LUC7L2: variants seen among roughly 807,000 people sequenced by gnomAD.
LUC7L2 encodes the protein putative RNA-binding protein Luc7-like 2.
Under a neutral mutation model 52.8 loss-of-function variants are expected in LUC7L2, and 25 were observed. The ratio of observed to expected loss-of-function variants is 0.47; its 90% CI spans 0.34 to 0.66. The LOEUF is 0.66. LUC7L2 is among the 30% of genes least tolerant of loss of function. The pLI is 0.01. For missense variants in LUC7L2, 328 were observed against 497.8 expected, an observed-to-expected ratio of 0.66 and a Z score of 3.25; for synonymous variants, 144 against 160.9, an observed-to-expected ratio of 0.89 and a Z score of 0.80.
At chr7:139,358,099 C>A (rs532612027), upstream of LUC7L2, among the ~76,000 whole-genome samples, 205 of 151,040 alleles carry the variant, frequency 1.4e-3, no homozygotes, top group African/African-American at 4.8e-3. Context: ...CCTCCACTTC[C>A]CGGGTTCAAG....
At chr7:139,368,737 C>CAAAAAAAAA (rs779546165) in intron 1 of LUC7L2, among the ~76,000 whole-genome samples, 16 of 110,652 alleles carry the variant, frequency 1.4e-4, no homozygotes, top group African/African-American at 5.5e-4. Flanking sequence ...GACACCGTCT[C>CAAAAAAAAA]AAAAAAAAAA....
intron 2 of LUC7L2, among the ~76,000 whole-genome samples, chr7:139,381,908 C>G: frequency 1.1e-5 from 1 of 93,682 alleles, no homozygotes; most frequent in Non-Finnish European, 2.0e-5. Context: ...TTTTTTGAGT[C>G]AGATTCTTGC....
At chr7:139,386,404 A>ATTTTT (rs4028268) in intron 2 of LUC7L2, among the ~76,000 whole-genome samples, 2,670 of 131,466 alleles carry the variant, frequency 0.02, 199 homozygotes, top group African/African-American at 0.064. Flanking sequence ...GTCACTGGAA[A>ATTTTT]TTTTTTTTTT....
chr7:139,415,033 C>T (rs368671745), intron 8 of LUC7L2, among the ~76,000 whole-genome samples: 10 of 148,170 alleles, frequency 6.7e-5, no homozygotes, highest in East Asian at 4.0e-4. Flanking sequence ...ATTATAGGCA[C>T]GTGCCACCAT....
chr7:139,394,002 G>A (rs918418746), intron 2 of LUC7L2, among the ~76,000 whole-genome samples: 1 of 152,132 alleles, frequency 6.6e-6, no homozygotes, highest in African/African-American at 2.4e-5. Flanking sequence ...AGTCAGGCTA[G>A]GCTATAAACT....
At chr7:139,382,098 G>A (rs1376344413) in intron 2 of LUC7L2, among the ~76,000 whole-genome samples, 1 of 151,730 alleles carries the variant, frequency 6.6e-6, no homozygotes, top group African/African-American at 2.4e-5. Context: ...CACCATGTTG[G>A]CCAGGGTGGT....
In LUC7L2 at chr7:139,402,129, C is replaced by T. The variant is rs1284014541; in HGVS notation, c.256-8C>T. On this transcript the variant is annotated splice_region_variant and splice_polypyrimidine_tract_variant and intron_variant, in intron 3 of 9. Coordinates refer to ENST00000354926, the MANE Select transcript of LUC7L2 (RefSeq NM_016019.5). ...CTGACAGTAATTGTCTTTAATTAAA[C>T]TTTGTAGGCCATGGATCATCTGCAG... 1.9e-6 allele frequency: 3 copies of T among 1,572,910 alleles called. No individual in the cohort carries two copies. Among genetic ancestry groups the T allele is most frequent in the Non-Finnish European group, 2.6e-6 (3 of 1,166,948 alleles).
At chr7:139,347,456 G>A (rs1218655294) in intron 1 of LUC7L2, among the ~76,000 whole-genome samples, 2 of 152,062 alleles carry the variant, frequency 1.3e-5, no homozygotes, top group Non-Finnish European at 2.9e-5. Context: ...GCATGGTGGC[G>A]CATGCCTGTA....
At chr7:139,356,217 G>A (rs1799599143), upstream of LUC7L2, among the ~76,000 whole-genome samples, 1 of 151,236 alleles carries the variant, frequency 6.6e-6, no homozygotes, top group African/African-American at 2.4e-5. Flanking sequence ...GGCTGAGGTG[G>A]GAGGATCACT....
intron 1 of LUC7L2, chr7:139,374,649 T>A: frequency 7.0e-7 from 1 of 1,435,122 alleles, no homozygotes; most frequent in Non-Finnish European, 9.1e-7. Context: ...AGAAAACCTA[T>A]TGTTGAACTG....
At chr7:139,356,422 C>A (rs1177011665), upstream of LUC7L2, among the ~76,000 whole-genome samples, 1 of 135,814 alleles carries the variant, frequency 7.4e-6, no homozygotes, top group Non-Finnish European at 1.6e-5. Flanking sequence ...TTTAGATAAA[C>A]AAAATGGGAG....
At chr7:139,374,436 A>C (rs1439352956) in intron 1 of LUC7L2, 4 of 1,550,864 alleles carry the variant, frequency 2.6e-6, no homozygotes, top group African/African-American at 1.4e-5. Context: ...CTCAATCTGC[A>C]AGGGAGTGTC....
rs1226859941 is a variant in LUC7L2, at chr7:139,371,732, C to T, written c.62-4330C>T. ...GGAATGACAGTGGGCTTATTTTTTC[C>T]CTCCTGATATATGGAAGGGGATTTT... On this transcript the variant is annotated intron_variant, in intron 1 of 9. Transcript: ENST00000354926. Among the ~76,000 whole-genome samples, 5 of 152,150 alleles carry T rather than the reference C, an allele frequency of 3.3e-5. No individual in the cohort carries two copies. In the East Asian group the frequency reaches 9.7e-4, roughly 29 times the overall value.
chr7:139,410,302 T>A (rs1344878626), intron 7 of LUC7L2, among the ~76,000 whole-genome samples: 4 of 152,190 alleles, frequency 2.6e-5, no homozygotes, highest in Non-Finnish European at 4.4e-5. Flanking sequence ...ATTATTATTT[T>A]TTTTTTATGA....
chr7:139,356,690 C>G (rs185980419), upstream of LUC7L2, among the ~76,000 whole-genome samples: 197 of 151,814 alleles, frequency 1.3e-3, no homozygotes, highest in Admixed American at 4.3e-3. Context: ...TCACAAACCA[C>G]CCAACTCTAT....
rs376700448 is a variant in LUC7L2, at chr7:139,402,255, T to C, written c.366+8T>C. On this transcript the variant is annotated splice_region_variant and intron_variant, in intron 4 of 9. Transcript: ENST00000354926. ...GCTGAAGTAGCAGCAAAGGTAAGAATTTTAATCATTTCATTAGTACAAAGT... is the reference window on the plus strand; with the variant it reads ...GCTGAAGTAGCAGCAAAGGTAAGAACTTTAATCATTTCATTAGTACAAAGT... The C allele has an allele frequency of 1.3e-6, 2 of 1,583,648 alleles. No homozygotes were observed. The highest frequency in any genetic ancestry group is 2.7e-5 in the African/African-American group (2 of 72,948).
intron 1 of LUC7L2, among the ~76,000 whole-genome samples, chr7:139,354,447 C>T (rs6964121): frequency 0.39 from 58,748 of 152,032 alleles, 15,789 homozygotes; most frequent in African/African-American, 0.77. Context: ...TTGCAACCTC[C>T]GCCTTCCGGG....
chr7:139,421,592 GTTAT>G (rs1795906867), intron 9 of LUC7L2, among the ~76,000 whole-genome samples: 1 of 152,162 alleles, frequency 6.6e-6, no homozygotes, highest in South Asian at 2.1e-4. Flanking sequence ...TTTAGAAGTG[GTTAT>G]TTAAATTCAT....
At chr7:139,344,696 T>C (rs1799177093) in intron 1 of LUC7L2, among the ~76,000 whole-genome samples, 1 of 85,992 alleles carries the variant, frequency 1.2e-5, no homozygotes, top group Non-Finnish European at 2.5e-5. Flanking sequence ...ATTTTCTTTC[T>C]TTTTTTTTTT....
Sources: allele counts gnomAD v4.1 joint callset (sites outside exome capture counted in the v4.1 genomes callset), GRCh38; gene constraint gnomAD v4.1.1; transcripts MANE v1.5; gene names NCBI Gene and HGNC (gene_info 2026-07-23, HGNC 2026-07-21).